AQR: variants seen among roughly 807,000 people sequenced by gnomAD.
The protein encoded by AQR is aquarius intron-binding spliceosomal factor.
A neutral mutation model predicts 180.5 loss-of-function variants in AQR; 61 were observed. That is an observed-to-expected ratio of 0.34 (90% CI 0.28 to 0.42). The LOEUF (loss-of-function observed/expected upper bound fraction) is 0.42. AQR is among the 10% of genes least tolerant of loss of function. The probability of loss-of-function intolerance (pLI) is 1.00; values close to 1 mark genes in which losing one functional copy is unlikely to be tolerated. For missense variants in AQR, 1,281 were observed against 1,798.3 expected, an observed-to-expected ratio of 0.71 and a Z score of 5.20; for synonymous variants, 551 against 588.8, an observed-to-expected ratio of 0.94 and a Z score of 0.93.
At chr15:34,859,316 T>G (rs574919482) in intron 34 of AQR, among the ~76,000 whole-genome samples, 1 of 152,278 alleles carries the variant, frequency 6.6e-6, no homozygotes, top group African/African-American at 2.4e-5. Context: ...TCATCAGTCC[T>G]TAGGGAAATG....
At position 34,918,328 on chromosome 15, in the gene AQR, C is replaced by T. The variant is rs1341828395; in HGVS notation, c.1272G>A (p.Met424Ile). 7 of 1,613,632 alleles carry T rather than the reference C, an allele frequency of 4.3e-6. No individual in the cohort carries two copies. In the East Asian group the frequency reaches 8.9e-5, roughly 21 times the overall value. The change falls in exon 15 of 35, where the codon ATG becomes ATA. Residue 424 changes from methionine (M) to isoleucine (I), a missense_variant. By Grantham distance (10) the Met-to-Ile change is conservative. Around this residue, in one of 9 missense-constraint regions of AQR, gnomAD observed 404 missense variants for 490.9 expected, o/e 0.82. Coordinates refer to ENST00000156471, the MANE Select transcript of AQR (RefSeq NM_014691.3). ...TAATTTTCTCAGTTGGATACAAAGG[C>T]ATCTGGTTCAACTGCTGAATCTGAG... ...RISQIQQLNQMPLYPTEKIIW... is the reference protein window; with the variant it reads ...RISQIQQLNQIPLYPTEKIIW...
intron 4 of AQR, 139 bp downstream of exon 4, chr15:34,952,746 T>G (rs1894252117): frequency 3.1e-6 from 2 of 650,272 alleles, no homozygotes; most frequent in South Asian, 3.5e-5. Context: ...CATATACATA[T>G]TCCAAAATAA....
chr15:34,968,075 A>G lies in AQR; in HGVS notation c.75+1464T>C, dbSNP rs190744962. Among the ~76,000 whole-genome samples, 176 of 152,156 alleles carry G rather than the reference A, an allele frequency of 1.2e-3. No individual in the cohort carries two copies. The East Asian group carries it at 0.023, about 20-fold the overall frequency. ...TGATCGACCTGCCACGGCCTCCCAA[A>G]GTGCTGGGATTACAGGCATGAGCCA... On this transcript the variant is annotated intron_variant, in intron 1 of 34. Transcript: ENST00000156471.
At chr15:34,942,224 G>T in intron 6 of AQR, 144 bp from the exon 7 acceptor site, 1 of 463,572 alleles carries the variant, frequency 2.2e-6, no homozygotes, top group South Asian at 4.3e-5. Flanking sequence ...ATATTAAGAA[G>T]TTCAATGCTT....
intron 8 of AQR, 87 bp downstream of exon 8, chr15:34,940,812 A>G: frequency 2.0e-6 from 2 of 993,990 alleles, no homozygotes; most frequent in East Asian, 2.4e-5. Context: ...AGCACTATAT[A>G]AAGGGAAACA....
rs1208890860 is a variant in AQR, at chr15:34,867,470, A to G, written c.3854+54T>C. ...GAACACTTAGCCACAGAATTTCAAA[A>G]TTGAAGTAGATAGTAAAGTTCAATA... On this transcript the variant is annotated intron_variant, in intron 32 of 34. Transcript: ENST00000156471. 3.4e-6 allele frequency: 5 copies of G among 1,459,538 alleles called. No homozygotes were observed. The Admixed American group carries it at 5.2e-5, about 15-fold the overall frequency. 90.4% of individuals were successfully genotyped at this position (1,459,538 alleles called of 1,614,324 possible).
At chr15:34,884,403 C>A in intron 26 of AQR, 122 bp downstream of exon 26, 1 of 909,900 alleles carries the variant, frequency 1.1e-6, no homozygotes, top group Non-Finnish European at 1.6e-6. Context: ...AAGACTCCGT[C>A]TCAAAAAAAA....
At chr15:34,884,865 A>G in intron 25 of AQR, 131 bp from the exon 26 acceptor site, 1 of 688,992 alleles carries the variant, frequency 1.5e-6, no homozygotes, top group Non-Finnish European at 2.4e-6. Context: ...CTTTGATCCA[A>G]TATAACTATT....
intron 16 of AQR, among the ~76,000 whole-genome samples, chr15:34,910,822 T>C (rs1893488773): frequency 6.6e-6 from 1 of 152,220 alleles, no homozygotes; most frequent in African/African-American, 2.4e-5. Flanking sequence ...ACTTAAGATC[T>C]ATCCTGTCAA....
At position 34,863,056 on chromosome 15, in the gene AQR, C is replaced by A. The variant is rs373035032; in HGVS notation, c.3855-15G>T. On this transcript the variant is annotated splice_polypyrimidine_tract_variant and intron_variant, in intron 32 of 34. Transcript: ENST00000156471. ...GACGGACATCCCTTTGGGAAATAAA[C>A]AAAATAATTAGCACACTTCAAGATT... The A allele has an allele frequency of 1.9e-6, 3 of 1,600,748 alleles. No individual in the cohort carries two copies. The highest frequency in any genetic ancestry group is 2.6e-6 in the Non-Finnish European group (3 of 1,174,404).
Position 34,932,453 on chromosome 15 carries a change from A to AT in AQR, c.784-20dup. 3.3e-6 allele frequency: 5 copies of AT among 1,508,884 alleles called. No individual in the cohort carries two copies. Among genetic ancestry groups the AT allele is most frequent in the Non-Finnish European group, 4.5e-6 (5 of 1,109,794 alleles). 93.5% of individuals were successfully genotyped at this position (1,508,884 alleles called of 1,614,324 possible). ...GCAGGGCCTGGGAAAAACAAACATC[A>AT]TAACAGTAAGTTTGCATCTATTCTC... On this transcript the variant is annotated intron_variant, in intron 10 of 34. Transcript: ENST00000156471.
chr15:34,900,904 A>G lies in AQR; in HGVS notation c.2002-41T>C, dbSNP rs1279227584. ...CAGAAAAAGATTGTGTCAGTATGAC[A>G]TCTCCAACATTTGCACTTACTGGAA... On this transcript the variant is annotated intron_variant, in intron 19 of 34. Transcript: ENST00000156471. The G allele has an allele frequency of 1.9e-6, 3 of 1,542,282 alleles. No individual in the cohort carries two copies. The South Asian group carries it at 3.8e-5, about 20-fold the overall frequency.
At chr15:34,929,002 G>A (rs1414274924) in intron 12 of AQR, among the ~76,000 whole-genome samples, 1 of 152,204 alleles carries the variant, frequency 6.6e-6, no homozygotes, top group Non-Finnish European at 1.5e-5. Context: ...CCTTTGAGAA[G>A]TGTCTGTTCA....
At chr15:34,863,141 C>G (rs2140458163) in intron 32 of AQR, 100 bp from the exon 33 acceptor site, 1 of 1,113,222 alleles carries the variant, frequency 9.0e-7, no homozygotes, top group East Asian at 2.6e-5. Context: ...CCTGTTAAGC[C>G]CTGGCAATAA....
intron 10 of AQR, among the ~76,000 whole-genome samples, chr15:34,932,928 C>T (rs1893889072): frequency 6.6e-6 from 1 of 152,014 alleles, no homozygotes; most frequent in Non-Finnish European, 1.5e-5. Context: ...TGCACTCAAG[C>T]CTGGATTACA....
In AQR at chr15:34,898,202, C is replaced by G. The variant is rs187691703; in HGVS notation, c.2244-497G>C. 1.5e-4 allele frequency among the ~76,000 whole-genome samples: 23 copies of G among 152,212 alleles called. No homozygotes were observed. In the East Asian group the frequency reaches 4.5e-3, roughly 29 times the overall value. Reference sequence around the variant, plus strand: ...ACAGAAGCCTTGTTATGACAGGAACCTTATAATGACATGTCTAGAATATGA... The same window carrying G: ...ACAGAAGCCTTGTTATGACAGGAACGTTATAATGACATGTCTAGAATATGA... On this transcript the variant is annotated intron_variant, in intron 20 of 34. Transcript: ENST00000156471.
chr15:34,929,220 T>C (rs1363319980), intron 12 of AQR, among the ~76,000 whole-genome samples: 1 of 152,258 alleles, frequency 6.6e-6, no homozygotes, highest in East Asian at 1.9e-4. Context: ...CAATTTTTGC[T>C]TTTGTTGCAA....
intron 16 of AQR, among the ~76,000 whole-genome samples, chr15:34,910,752 T>C (rs1893487665): frequency 1.3e-5 from 2 of 152,248 alleles, no homozygotes; most frequent in Non-Finnish European, 2.9e-5. Flanking sequence ...TTTTAAACTA[T>C]GTATACACTG....
chr15:34,941,961 C>T (rs371506950), intron 7 of AQR, 51 bp downstream of exon 7: 32 of 1,406,234 alleles, frequency 2.3e-5, no homozygotes, highest in Non-Finnish European at 2.8e-5. Context: ...TAAAACCACA[C>T]GTTCTACTTA....
Sources: allele counts gnomAD v4.1 joint callset (sites outside exome capture counted in the v4.1 genomes callset), GRCh38; gene constraint gnomAD v4.1.1; regional missense constraint gnomAD v4.1.1; transcripts MANE v1.5; gene names NCBI Gene and HGNC (gene_info 2026-07-23, HGNC 2026-07-21).